Variants in HPSE2 observed in about 807,000 individuals in gnomAD.
The protein encoded by HPSE2 is heparanase 2 (inactive).
HPSE2 carries 38 observed loss-of-function variants against 60.5 expected under a neutral mutation model. The ratio of observed to expected loss-of-function variants is 0.63; its 90% CI spans 0.48 to 0.82. The LOEUF (loss-of-function observed/expected upper bound fraction) is 0.82. HPSE2 is among the 40% of genes least tolerant of loss of function. HPSE2 has a pLI of 0.00. For missense variants in HPSE2, 713 were observed against 740.4 expected (o/e 0.96, Z 0.43); for synonymous variants, 295 against 293.2 (o/e 1.01, Z -0.06).
chr10:99,215,340 T>C (rs1849083639), intron 2 of HPSE2, among the ~76,000 whole-genome samples: 1 of 152,220 alleles, frequency 6.6e-6, no homozygotes. Flanking sequence ...TAAGCCATCA[T>C]CTTCAGCAAA....
At chr10:98,887,947 T>A (rs182117904) in intron 3 of HPSE2, among the ~76,000 whole-genome samples, 2 of 136,370 alleles carry the variant, frequency 1.5e-5, no homozygotes, top group Admixed American at 1.5e-4. Flanking sequence ...AATAAAAAAT[T>A]AAAAATTAAA....
At chr10:98,533,102 C>G (rs1943180024) in intron 9 of HPSE2, among the ~76,000 whole-genome samples, 1 of 152,202 alleles carries the variant, frequency 6.6e-6, no homozygotes, top group Non-Finnish European at 1.5e-5. Flanking sequence ...TGCCAATGTT[C>G]TATGAGTCTG....
chr10:98,764,118 T>G (rs1950067397), intron 3 of HPSE2, among the ~76,000 whole-genome samples: 1 of 152,172 alleles, frequency 6.6e-6, no homozygotes, highest in Non-Finnish European at 1.5e-5. Context: ...AATGTTATAA[T>G]TTTGGTTATA....
intron 7 of HPSE2, among the ~76,000 whole-genome samples, chr10:98,635,371 C>A (rs1946469572): frequency 6.6e-6 from 1 of 152,154 alleles, no homozygotes; most frequent in Non-Finnish European, 1.5e-5. Flanking sequence ...CCAGTAATCC[C>A]AGTACAGGGT....
intron 3 of HPSE2, among the ~76,000 whole-genome samples, chr10:98,756,465 A>T (rs1949881162): frequency 1.3e-5 from 2 of 152,086 alleles, no homozygotes; most frequent in African/African-American, 4.8e-5. Flanking sequence ...AAATAAACAC[A>T]ATCAGAAATG....
intron 5 of HPSE2, among the ~76,000 whole-genome samples, chr10:98,704,157 G>A (rs777245060): frequency 9.2e-5 from 14 of 151,950 alleles, no homozygotes; most frequent in Non-Finnish European, 1.8e-4. Context: ...ACTCCTATTC[G>A]CAATTGCTAC....
intron 3 of HPSE2, among the ~76,000 whole-genome samples, chr10:99,097,610 A>C (rs1285976129): frequency 6.6e-6 from 1 of 152,204 alleles, no homozygotes; most frequent in Non-Finnish European, 1.5e-5. Context: ...ACTTCACAAT[A>C]GTAATCTTTT....
At chr10:99,257,063 T>C in the HPSE2 span, among the ~76,000 whole-genome samples, 1 of 152,252 alleles carries the variant, frequency 6.6e-6, no homozygotes, top group Non-Finnish European at 1.5e-5. Flanking sequence ...TGGACATTTA[T>C]CACTTCCCCA....
At chr10:99,077,574 G>A (rs12268187) in intron 3 of HPSE2, among the ~76,000 whole-genome samples, 2,393 of 151,880 alleles carry the variant, frequency 0.016, 64 homozygotes, top group African/African-American at 0.055. Flanking sequence ...CTGTGTGTGA[G>A]TGTATGTGTG....
chr10:98,989,127 C>G (rs1166494935), intron 3 of HPSE2, among the ~76,000 whole-genome samples: 4 of 151,972 alleles, frequency 2.6e-5, no homozygotes, highest in Non-Finnish European at 1.5e-5. Context: ...ACCACTTGAC[C>G]CAGCCATCCC....
At chr10:98,999,153 C>CGTGTG (rs1272132142) in intron 3 of HPSE2, among the ~76,000 whole-genome samples, 5 of 129,344 alleles carry the variant, frequency 3.9e-5, no homozygotes, top group Non-Finnish European at 7.9e-5. Flanking sequence ...GTGGTATAGA[C>CGTGTG]TACGTGTGTG....
chr10:99,232,603 C>A, intron 1 of HPSE2, 98 bp from the exon 2 acceptor site: 1 of 1,344,556 alleles, frequency 7.4e-7, no homozygotes, highest in Non-Finnish European at 1.0e-6. Flanking sequence ...TGAGGGCGAC[C>A]TGGCCGGGGC....
intron 3 of HPSE2, among the ~76,000 whole-genome samples, chr10:98,768,023 G>T (rs1048999463): frequency 1.3e-5 from 2 of 151,196 alleles, no homozygotes; most frequent in African/African-American, 4.9e-5. Flanking sequence ...AAAACAAAGG[G>T]AAATGTAAAT....
In HPSE2 at chr10:99,111,296, G is replaced by C. The variant is rs1292645941; in HGVS notation, c.610+32942C>G. Among the ~76,000 whole-genome samples the C allele has an allele frequency of 2.0e-5, 3 of 152,168 alleles. No individual in the cohort carries two copies. In the East Asian group the frequency reaches 5.8e-4, roughly 29 times the overall value. On this transcript the variant is annotated intron_variant, in intron 3 of 11. Transcript: ENST00000370552. ...CTTTAGTATTGTGTTGGCTATTCTA[G>C]TTCTTTTGTCTTTCCATATACACTT...
At chr10:98,667,583 T>C (rs187938817) in intron 6 of HPSE2, among the ~76,000 whole-genome samples, 221 of 152,230 alleles carry the variant, frequency 1.5e-3, no homozygotes, top group Non-Finnish European at 2.5e-3. Context: ...TTCACCACAA[T>C]CAAGTAGGCA....
intron 9 of HPSE2, among the ~76,000 whole-genome samples, chr10:98,613,893 G>A (rs539960501): frequency 2.2e-4 from 33 of 152,268 alleles, no homozygotes; most frequent in African/African-American, 7.9e-4. Context: ...AGGATAACCC[G>A]TGTAATATTT....
intron 9 of HPSE2, among the ~76,000 whole-genome samples, chr10:98,606,624 T>C (rs562755043): frequency 6.6e-6 from 1 of 152,352 alleles, no homozygotes; most frequent in South Asian, 2.1e-4. Flanking sequence ...CTTTCAATGC[T>C]TAAAACCAAA....
In HPSE2 at chr10:98,716,546, CAGA is replaced by C. The variant is rs1948796497; in HGVS notation, c.956+5108_956+5110del. Among the ~76,000 whole-genome samples, 3 of 152,036 alleles carry C rather than the reference CAGA, an allele frequency of 2.0e-5. No homozygotes were observed. The South Asian group carries it at 6.2e-4, about 32-fold the overall frequency. The stretch of plus-strand genomic sequence containing the variant: ...GGCATCTGGAATGGTGAGTCTTTTC[CAGA>C]AGGTTTTCAGTTAACCTTGCCCAGA... On this transcript the variant is annotated intron_variant, in intron 5 of 11. Coordinates refer to ENST00000370552, the MANE Select transcript of HPSE2 (RefSeq NM_021828.5).
At chr10:99,202,932 G>A (rs922148545) in intron 2 of HPSE2, among the ~76,000 whole-genome samples, 1 of 151,848 alleles carries the variant, frequency 6.6e-6, no homozygotes, top group Non-Finnish European at 1.5e-5. Flanking sequence ...GGAGAGAGAA[G>A]GAAAGAGAAG....
Sources: gnomAD v4.1 joint callset for allele counts (sites outside exome capture counted in the v4.1 genomes callset) on GRCh38, gnomAD v4.1.1 for gene constraint, MANE v1.5 for transcripts, NCBI Gene and HGNC (gene_info 2026-07-23, HGNC 2026-07-21) for gene names.